TRPM1: variants seen among roughly 807,000 people sequenced by gnomAD.
TRPM1 encodes the protein transient receptor potential cation channel subfamily M member 1, also known as TRPM1-203 APA Isoform, Intron 10.
TRPM1 carries 113 observed loss-of-function variants against 149.4 expected under a neutral mutation model. That is an observed-to-expected ratio of 0.76 (90% CI 0.65 to 0.88). The LOEUF is 0.88. TRPM1 is among the 40% of genes least tolerant of loss of function. The probability of loss-of-function intolerance (pLI) is 0.00; values close to 1 mark genes in which losing one functional copy is unlikely to be tolerated. For synonymous variants in TRPM1, 741 were observed against 759.5 expected (o/e 0.98, Z 0.40); for missense variants, 1,976 against 2,038.7 (o/e 0.97, Z 0.59).
At chr15:31,046,979 T>C (rs1051225330) in intron 15 of TRPM1, 132 bp downstream of exon 15, 34 of 1,271,458 alleles carry the variant, frequency 2.7e-5, no homozygotes, top group Non-Finnish European at 3.4e-5. Context: ...GAGAGCACTG[T>C]AGGAGGCAGG....
chr15:31,116,966 A>G (rs1005654899), intron 1 of TRPM1, among the ~76,000 whole-genome samples: 32 of 152,266 alleles, frequency 2.1e-4, no homozygotes, highest in African/African-American at 7.7e-4. Flanking sequence ...GGCAGTGTGA[A>G]GAGAGAAAGC....
chr15:31,042,827 G>T (rs1053915685), intron 16 of TRPM1, among the ~76,000 whole-genome samples: 1 of 152,204 alleles, frequency 6.6e-6, no homozygotes, highest in African/African-American at 2.4e-5. Flanking sequence ...TCCTAAAGGG[G>T]TTATGAGAAC....
At chr15:31,124,790 A>G (rs2035925608) in intron 1 of TRPM1, among the ~76,000 whole-genome samples, 1 of 152,178 alleles carries the variant, frequency 6.6e-6, no homozygotes. Flanking sequence ...GGCGGGATGA[A>G]CAGTTGGAGT....
intron 1 of TRPM1, among the ~76,000 whole-genome samples, chr15:31,113,427 T>C (rs979814746): frequency 1.0e-5 from 1 of 97,868 alleles, no homozygotes. Flanking sequence ...TACCCAGCTC[T>C]GACAGTTTTT....
At chr15:31,101,590 T>C (rs1360341672) in intron 1 of TRPM1, 67 bp downstream of exon 1, 1 of 943,840 alleles carries the variant, frequency 1.1e-6, no homozygotes, top group Non-Finnish European at 1.3e-6. Context: ...ACGCTTGAGT[T>C]TACCCACACC....
upstream of TRPM1, among the ~76,000 whole-genome samples, chr15:31,105,062 C>T (rs1222018022): frequency 6.6e-6 from 1 of 152,184 alleles, no homozygotes; most frequent in Non-Finnish European, 1.5e-5. Context: ...CTTCCTTGGC[C>T]TCATTCCAAT....
intron 18 of TRPM1, among the ~76,000 whole-genome samples, chr15:31,038,922 C>G (rs953015434): frequency 6.6e-6 from 1 of 151,224 alleles, no homozygotes; most frequent in South Asian, 2.1e-4. Flanking sequence ...GAAGGACTAA[C>G]ATGGGCTCGG....
chr15:31,124,625 G>A (rs1383801417), intron 1 of TRPM1, among the ~76,000 whole-genome samples: 3 of 139,646 alleles, frequency 2.1e-5, no homozygotes, highest in Non-Finnish European at 4.5e-5. Context: ...TCGTACTCCA[G>A]CCTGGATGAC....
At chr15:31,080,588 A>T (rs897399530) in intron 2 of TRPM1, among the ~76,000 whole-genome samples, 28 of 151,778 alleles carry the variant, frequency 1.8e-4, no homozygotes, top group Non-Finnish European at 3.5e-4. Flanking sequence ...TGGACACAAG[A>T]TCTGGCACTG....
At chr15:31,019,437 A>C (rs942179446) in intron 27 of TRPM1, among the ~76,000 whole-genome samples, 6 of 152,154 alleles carry the variant, frequency 3.9e-5, no homozygotes, top group African/African-American at 1.4e-4. Flanking sequence ...AGTCTCTGTC[A>C]CGCAGGCTGG....
chr15:31,029,295 C>T (rs780617327), intron 24 of TRPM1, 76 bp downstream of exon 24: 26 of 1,448,594 alleles, frequency 1.8e-5, no homozygotes, highest in Admixed American at 8.4e-5. Context: ...TTTAAGACTA[C>T]TAGTAATCAG....
rs59878175 is a variant in TRPM1 at position 31,125,729 on chromosome 15, CAAAAAAAAAAAA to C, written c.54+35165_54+35176del. ...TGGGCGACAGAGCGAGACTCCGTCT[CAAAAAAAAAAAA>C]AAAAAAAAAAAAAAATTATTAAAAA... On this transcript the variant is annotated intron_variant, in intron 1 of 26. Coordinates refer to the TRPM1 transcript ENST00000542188. Among the ~76,000 whole-genome samples, 198 of 52,764 alleles carry C rather than the reference CAAAAAAAAAAAA, an allele frequency of 3.8e-3. 3 individuals carry two copies. The highest frequency in any genetic ancestry group is 3.2e-3 in the Non-Finnish European group (94 of 29,550). The allele number at this position is 52,764 out of a possible 152,430, so 34.6% of individuals were successfully genotyped here. A position where few individuals can be genotyped will look rare whatever the true frequency, so the allele number is the denominator to read the frequency against.
intron 1 of TRPM1, among the ~76,000 whole-genome samples, chr15:31,156,497 C>T (rs1359375469): frequency 6.6e-6 from 1 of 152,186 alleles, no homozygotes; most frequent in Non-Finnish European, 1.5e-5. Flanking sequence ...AACTCCTTAT[C>T]TTAACCCAGA....
chr15:31,100,365 G>A (rs146605543), intron 1 of TRPM1, among the ~76,000 whole-genome samples: 4,371 of 151,790 alleles, frequency 0.029, 91 homozygotes, highest in Non-Finnish European at 0.039. Context: ...ATGAGCCATC[G>A]CGCCTGGCCC....
rs2031811442 is a variant in TRPM1 at position 31,002,398 on chromosome 15, G to A, written c.4302C>T (p.Ser1434=). ...VETTNIEGTI[S]YPLEETKITR... is the part of the protein sequence containing the mutation. ...TAATTTTGGTTTCTTCCAGGGGATA[G>A]GAAATAGTGCCTTCTATATTTGTCG... is the stretch of plus-strand genomic sequence containing the variant. Residue 1434 remains serine, a synonymous_variant, in exon 28 of 28, where the codon TCC becomes TCT. Coordinates refer to ENST00000256552, the MANE Select transcript of TRPM1 (RefSeq NM_001252024.2). 6.2e-7 allele frequency: 1 copy of A among 1,614,248 alleles called. No homozygotes were observed. The highest frequency in any genetic ancestry group is 8.5e-7 in the Non-Finnish European group (1 of 1,180,048).
At chr15:31,034,816 G>A (rs1327141281) in intron 21 of TRPM1, among the ~76,000 whole-genome samples, 2 of 152,180 alleles carry the variant, frequency 1.3e-5, no homozygotes, top group Admixed American at 6.5e-5. Context: ...ATCTCAGGTC[G>A]CTGGCAGCAT....
At chr15:31,078,815 T>G (rs28451564) in intron 2 of TRPM1, among the ~76,000 whole-genome samples, 42,373 of 152,144 alleles carry the variant, frequency 0.28, 6,156 homozygotes, top group Admixed American at 0.36. Flanking sequence ...CCTTGTTTTT[T>G]ATAACATAGG....
At chr15:31,144,011 T>C (rs183314027) in intron 1 of TRPM1, among the ~76,000 whole-genome samples, 217 of 152,340 alleles carry the variant, frequency 1.4e-3, no homozygotes, top group Non-Finnish European at 2.6e-3. Flanking sequence ...ACGTATGGAA[T>C]GTTAGGCTTC....
At chr15:31,032,030 C>CAT (rs1487320384) in intron 22 of TRPM1, among the ~76,000 whole-genome samples, 9 of 137,718 alleles carry the variant, frequency 6.5e-5, no homozygotes, top group African/African-American at 1.7e-4. Context: ...TTTTTTTGGC[C>CAT]ATATATATAT....
Sources: gnomAD v4.1 joint callset for allele counts (sites outside exome capture counted in the v4.1 genomes callset) on GRCh38, gnomAD v4.1.1 for gene constraint, MANE v1.5 for transcripts, NCBI Gene and HGNC (gene_info 2026-07-23, HGNC 2026-07-21) for gene names.